The following EXOC4 variants were observed in gnomAD, a reference collection of about 807,000 sequenced individuals.
EXOC4 encodes SEC8-like 1.
In EXOC4, 71 loss-of-function variants were observed where a neutral mutation model predicts 107.2. The ratio of observed to expected loss-of-function variants is 0.66; its 90% CI spans 0.55 to 0.81. EXOC4 has a LOEUF of 0.81. EXOC4 is among the 30% of genes least tolerant of loss of function. EXOC4 has a pLI of 0.00. For missense variants in EXOC4, 1,108 were observed against 1,189.6 expected, an observed-to-expected ratio of 0.93 and a Z score of 1.01; for synonymous variants, 456 against 441.2, an observed-to-expected ratio of 1.03 and a Z score of -0.42.
intron 10 of EXOC4, among the ~76,000 whole-genome samples, chr7:133,754,967 T>A (rs1180666073): frequency 6.6e-6 from 1 of 151,874 alleles, no homozygotes; most frequent in Non-Finnish European, 1.5e-5. Flanking sequence ...ATTGATGATG[T>A]TCTTTTCCCT....
intron 7 of EXOC4, among the ~76,000 whole-genome samples, chr7:133,381,902 A>G (rs1469122621): frequency 6.6e-6 from 1 of 152,160 alleles, no homozygotes; most frequent in Non-Finnish European, 1.5e-5. Flanking sequence ...CATCAGCATT[A>G]TGTGGGAACA....
chr7:133,825,570 TC>T (rs1321815056), intron 11 of EXOC4, among the ~76,000 whole-genome samples: 1 of 152,118 alleles, frequency 6.6e-6, no homozygotes, highest in East Asian at 1.9e-4. Flanking sequence ...ACCTATTATC[TC>T]CCCAGCCAAG....
Position 133,522,930 on chromosome 7 carries a change from C to T in EXOC4, c.1417+42792C>T, listed in dbSNP as rs535399233. The stretch of plus-strand genomic sequence containing the variant: ...GTTTGTTTTTAACTCTTACCATGTA[C>T]GAGCCCATTTGAAGGGCATGGGCAA... On this transcript the variant is annotated intron_variant, in intron 9 of 17. Transcript: ENST00000253861. Among the ~76,000 whole-genome samples, 135 of 152,246 alleles carry T rather than the reference C, an allele frequency of 8.9e-4. 1 individual carries two copies. Among genetic ancestry groups the T allele is most frequent in the Middle Eastern group, 6.8e-3 (2 of 294 alleles).
At chr7:133,376,676 A>T (rs1053405621) in intron 7 of EXOC4, among the ~76,000 whole-genome samples, 1 of 152,340 alleles carries the variant, frequency 6.6e-6, no homozygotes, top group Admixed American at 6.5e-5. Flanking sequence ...AGCTGAATGA[A>T]GATTTCAGAA....
At chr7:133,857,065 C>T (rs1798390877) in intron 11 of EXOC4, among the ~76,000 whole-genome samples, 2 of 138,602 alleles carry the variant, frequency 1.4e-5, no homozygotes, top group Non-Finnish European at 3.1e-5. Context: ...CCACTGCACT[C>T]CAGCCTGGGC....
intron 10 of EXOC4, among the ~76,000 whole-genome samples, chr7:133,724,599 T>C (rs1265046591): frequency 6.6e-6 from 1 of 152,186 alleles, no homozygotes; most frequent in Non-Finnish European, 1.5e-5. Flanking sequence ...ATTAATAATA[T>C]CATATCTATT....
chr7:134,006,749 C>G (rs1421459357), intron 16 of EXOC4, among the ~76,000 whole-genome samples: 1 of 152,058 alleles, frequency 6.6e-6, no homozygotes, highest in African/African-American at 2.4e-5. Context: ...CTGCTAGCAT[C>G]CAAGAATAAG....
intron 6 of EXOC4, among the ~76,000 whole-genome samples, chr7:133,370,809 T>G (rs537829480): frequency 6.6e-6 from 1 of 152,222 alleles, no homozygotes; most frequent in Non-Finnish European, 1.5e-5. Context: ...TTTCCCTGTC[T>G]TTAGAATTGT....
At chr7:133,690,197 G>T (rs1794389658) in intron 10 of EXOC4, among the ~76,000 whole-genome samples, 1 of 152,184 alleles carries the variant, frequency 6.6e-6, no homozygotes, top group Non-Finnish European at 1.5e-5. Context: ...CTTGGGTGTA[G>T]TGCGGGAGCT....
At chr7:133,638,309 T>C (rs1219228747) in intron 10 of EXOC4, among the ~76,000 whole-genome samples, 1 of 152,198 alleles carries the variant, frequency 6.6e-6, no homozygotes, top group Admixed American at 6.5e-5. Flanking sequence ...GTTGAAGTTA[T>C]GATGCAGTTA....
At chr7:133,771,464 C>G (rs913408811) in intron 10 of EXOC4, 5 of 151,884 alleles carry the variant, frequency 3.3e-5, no homozygotes, top group African/African-American at 1.2e-4. Context: ...GCAACTCATT[C>G]CTAAATAAAA....
intron 6 of EXOC4, among the ~76,000 whole-genome samples, chr7:133,367,885 A>G (rs972294094): frequency 6.6e-6 from 1 of 152,094 alleles, no homozygotes; most frequent in African/African-American, 2.4e-5. Context: ...TTTCATTGTC[A>G]TTGTCACTGA....
intron 9 of EXOC4, among the ~76,000 whole-genome samples, chr7:133,502,711 A>G (rs1220420489): frequency 2.6e-5 from 4 of 152,154 alleles, no homozygotes; most frequent in African/African-American, 9.6e-5. Flanking sequence ...TGTAAAACAA[A>G]GTGTATTCTG....
At chr7:134,046,645 G>T (rs775978191) in intron 17 of EXOC4, among the ~76,000 whole-genome samples, 1 of 151,482 alleles carries the variant, frequency 6.6e-6, no homozygotes, top group Non-Finnish European at 1.5e-5. Flanking sequence ...CCTTTCCCCA[G>T]TACTCCAGGC....
chr7:134,015,844 C>T (rs1794894077), intron 17 of EXOC4, among the ~76,000 whole-genome samples: 1 of 146,536 alleles, frequency 6.8e-6, no homozygotes, highest in Non-Finnish European at 1.5e-5. Context: ...CACTGCACTC[C>T]AGCCTAGAGA....
At chr7:133,513,522 A>C (rs879399120) in intron 9 of EXOC4, among the ~76,000 whole-genome samples, 1 of 152,232 alleles carries the variant, frequency 6.6e-6, no homozygotes, top group East Asian at 1.9e-4. Flanking sequence ...TTCAAACAGC[A>C]TACTATACTA....
At chr7:133,837,639 A>G (rs79755688) in intron 11 of EXOC4, among the ~76,000 whole-genome samples, 6,228 of 152,190 alleles carry the variant, frequency 0.041, 446 homozygotes, top group African/African-American at 0.14. Context: ...AAGCAACAAA[A>G]CTTTCTCTTT....
At chr7:133,984,816 A>T (rs1563080906) in intron 14 of EXOC4, among the ~76,000 whole-genome samples, 1 of 152,186 alleles carries the variant, frequency 6.6e-6, no homozygotes, top group Non-Finnish European at 1.5e-5. Flanking sequence ...TGGTCCTCAC[A>T]ACAACTCCCT....
chr7:133,579,453 G>A (rs1021436768), intron 9 of EXOC4, among the ~76,000 whole-genome samples: 1 of 152,082 alleles, frequency 6.6e-6, no homozygotes, highest in Non-Finnish European at 1.5e-5. Context: ...TCTTTATCAT[G>A]TAGTTAGAGT....
Sources: allele counts gnomAD v4.1 joint callset (sites outside exome capture counted in the v4.1 genomes callset), GRCh38; gene constraint gnomAD v4.1.1; transcripts MANE v1.5; gene names NCBI Gene and HGNC (gene_info 2026-07-23, HGNC 2026-07-21).